The following ZMYND11 variants were observed in gnomAD, a reference collection of about 807,000 sequenced individuals.
The protein encoded by ZMYND11 is zinc finger MYND domain-containing protein 11.
Under a neutral mutation model 84.9 loss-of-function variants are expected in ZMYND11, and 9 were observed. The ratio of observed to expected loss-of-function variants is 0.11; its 90% confidence interval spans 0.06 to 0.18. The LOEUF (loss-of-function observed/expected upper bound fraction) is 0.18, where lower values mean the gene tolerates loss of function less well. Ranked by LOEUF, ZMYND11 falls within the 10% of genes least tolerant of loss-of-function variation. ZMYND11 has a pLI of 1.00. For synonymous variants in ZMYND11, 250 were observed against 244.1 expected (o/e 1.02, Z -0.23); for missense variants, 409 against 761.0 (o/e 0.54, Z 5.44).
chr10:174,871 A>T (rs1293512662), intron 1 of ZMYND11, among the ~76,000 whole-genome samples: 1 of 150,948 alleles, frequency 6.6e-6, no homozygotes. Context: ...CTACAGTGGC[A>T]CATGCTTGTC....
chr10:241,193 T>C (rs1007313320), intron 9 of ZMYND11, among the ~76,000 whole-genome samples: 1 of 152,190 alleles, frequency 6.6e-6, no homozygotes, highest in Non-Finnish European at 1.5e-5. Flanking sequence ...TTTTTCTTTT[T>C]GAGACAGGGT....
intron 14 of ZMYND11, among the ~76,000 whole-genome samples, chr10:250,991 C>A (rs2132024434): frequency 6.6e-6 from 1 of 152,250 alleles, no homozygotes; most frequent in East Asian, 1.9e-4. Context: ...CCACTGCACT[C>A]CAGCCTGGGC....
At chr10:172,509 C>A (rs1295422754) in intron 1 of ZMYND11, among the ~76,000 whole-genome samples, 7 of 152,018 alleles carry the variant, frequency 4.6e-5, no homozygotes, top group African/African-American at 1.7e-4. Context: ...TACATTAGTA[C>A]CCCCGAAATG....
intron 1 of ZMYND11, among the ~76,000 whole-genome samples, chr10:179,726 T>C (rs1202797856): frequency 1.3e-5 from 2 of 152,224 alleles, no homozygotes; most frequent in East Asian, 3.8e-4. Flanking sequence ...TCTGAAAGTA[T>C]ATTGGTATGA....
intron 1 of ZMYND11, among the ~76,000 whole-genome samples, chr10:140,915 G>T (rs1012588963): frequency 3.3e-5 from 5 of 152,176 alleles, no homozygotes; most frequent in Admixed American, 6.5e-5. Flanking sequence ...CCACTTTTAT[G>T]TAAAACTAAA....
At chr10:136,655 A>G (rs1450057110) in intron 1 of ZMYND11, among the ~76,000 whole-genome samples, 1 of 152,062 alleles carries the variant, frequency 6.6e-6, no homozygotes, top group Non-Finnish European at 1.5e-5. Context: ...TCTGGATAGT[A>G]TTGAATATAT....
intron 3 of ZMYND11, among the ~76,000 whole-genome samples, chr10:215,509 C>T (rs542640213): frequency 1.3e-5 from 2 of 151,480 alleles, no homozygotes; most frequent in East Asian, 3.9e-4. Context: ...AGCAACTGCA[C>T]GCATGATATT....
intron 11 of ZMYND11, 24 bp downstream of exon 11, chr10:246,997 T>C (rs758108007): frequency 7.7e-6 from 12 of 1,566,826 alleles, no homozygotes; most frequent in Non-Finnish European, 1.0e-5. Context: ...CGGAAGGAAG[T>C]GCCTATTCAT....
At chr10:168,054 G>T (rs985178530) in intron 1 of ZMYND11, among the ~76,000 whole-genome samples, 2 of 151,992 alleles carry the variant, frequency 1.3e-5, no homozygotes, top group African/African-American at 2.4e-5. Flanking sequence ...GAATCAGTAA[G>T]TATTTATTTA....
intron 1 of ZMYND11, among the ~76,000 whole-genome samples, chr10:167,098 G>A (rs1844183520): frequency 6.6e-6 from 1 of 152,054 alleles, no homozygotes; most frequent in Admixed American, 6.6e-5. Flanking sequence ...CAGAGAATGG[G>A]GAAGTATTAT....
intron 2 of ZMYND11, among the ~76,000 whole-genome samples, chr10:195,712 A>G (rs1034596741): frequency 3.3e-5 from 5 of 152,150 alleles, no homozygotes; most frequent in Admixed American, 2.0e-4. Context: ...AATTAAGGAC[A>G]GTGGTAACCA....
At chr10:180,186 AGGCC>A in intron 2 of ZMYND11, 58 bp downstream of exon 2, 1 of 1,404,530 alleles carries the variant, frequency 7.1e-7, no homozygotes, top group Non-Finnish European at 9.9e-7. Context: ...TTTGGGGGAA[AGGCC>A]AAAAAAAATT....
chr10:197,436 G>A (rs1211134787), intron 2 of ZMYND11, among the ~76,000 whole-genome samples: 1 of 152,236 alleles, frequency 6.6e-6, no homozygotes, highest in African/African-American at 2.4e-5. Context: ...TGAGCAGGAT[G>A]AGGAAGAGGA....
chr10:161,781 C>A (rs1425764423), intron 1 of ZMYND11, among the ~76,000 whole-genome samples: 1 of 152,128 alleles, frequency 6.6e-6, no homozygotes, highest in Non-Finnish European at 1.5e-5. Context: ...GAGTTAGGTC[C>A]TTGTTCTGGA....
chr10:140,403 G>A (rs1837241465), intron 1 of ZMYND11, among the ~76,000 whole-genome samples: 1 of 152,190 alleles, frequency 6.6e-6, no homozygotes, highest in African/African-American at 2.4e-5. Context: ...AAAATCCATA[G>A]AGTTATTTAG....
At chr10:198,803 A>G (rs898806073) in intron 2 of ZMYND11, among the ~76,000 whole-genome samples, 10 of 152,214 alleles carry the variant, frequency 6.6e-5, no homozygotes, top group South Asian at 2.1e-4. Context: ...TGTGTGCCAT[A>G]TATCTATTTG....
intron 1 of ZMYND11, among the ~76,000 whole-genome samples, chr10:174,125 T>A (rs1453409712): frequency 6.6e-6 from 1 of 152,220 alleles, no homozygotes; most frequent in African/African-American, 2.4e-5. Context: ...AGCAGCTTTG[T>A]TTTGATTGCC....
At chr10:139,758 C>G (rs999358956) in intron 1 of ZMYND11, among the ~76,000 whole-genome samples, 6 of 125,550 alleles carry the variant, frequency 4.8e-5, no homozygotes, top group Admixed American at 1.0e-4. Flanking sequence ...GTTGCCCAGG[C>G]TGGAGTGCAG....
rs371042200 is a variant in ZMYND11, at chr10:151,189, A to G, written c.-20+15630A>G. On this transcript the variant is annotated intron_variant, in intron 1 of 14. Coordinates refer to ENST00000381604, the MANE Select transcript of ZMYND11 (RefSeq NM_001370100.5). ...CCCCCTCCAAAGGAACGCAGTCCTCACCAGCGACAGAACAAAGCTGGATGG... is the reference window on the plus strand; with the variant it reads ...CCCCCTCCAAAGGAACGCAGTCCTCGCCAGCGACAGAACAAAGCTGGATGG... Among the ~76,000 whole-genome samples, 19 of 152,358 alleles carry G rather than the reference A, an allele frequency of 1.2e-4. No homozygotes were observed. In the East Asian group the frequency reaches 3.1e-3, roughly 25 times the overall value.
Sources: allele counts gnomAD v4.1 joint callset (sites outside exome capture counted in the v4.1 genomes callset), GRCh38; gene constraint gnomAD v4.1.1; transcripts MANE v1.5; gene names NCBI Gene and HGNC (gene_info 2026-07-23, HGNC 2026-07-21).